The following PTPRM variants were observed in gnomAD, a reference collection of about 807,000 sequenced individuals.
The protein encoded by PTPRM is receptor-type tyrosine-protein phosphatase mu.
Under a neutral mutation model 186.7 loss-of-function variants are expected in PTPRM, and 47 were observed. That is an observed-to-expected ratio of 0.25 (90% CI 0.20 to 0.32). The LOEUF is 0.32. Ranked by LOEUF, PTPRM falls within the 10% of genes least tolerant of loss-of-function variation. The pLI, the probability that PTPRM is intolerant of heterozygous loss-of-function variation, is 1.00. For missense variants in PTPRM, 1,494 were observed against 1,865.0 expected, an observed-to-expected ratio of 0.80 and a Z score of 3.66; for synonymous variants, 668 against 674.9, an observed-to-expected ratio of 0.99 and a Z score of 0.16.
chr18:7,607,486 G>A (rs556141565), intron 1 of PTPRM, among the ~76,000 whole-genome samples: 16 of 152,266 alleles, frequency 1.1e-4, no homozygotes, highest in Admixed American at 2.6e-4. Context: ...CTCGGGAGCC[G>A]TATTTCTGGG....
At chr18:7,860,288 G>GC (rs1180129919) in intron 2 of PTPRM, among the ~76,000 whole-genome samples, 1 of 152,094 alleles carries the variant, frequency 6.6e-6, no homozygotes, top group Non-Finnish European at 1.5e-5. Context: ...GGCTAGGCTG[G>GC]CCTTGAACTT....
At chr18:8,239,857 C>T (rs72911272) in intron 14 of PTPRM, among the ~76,000 whole-genome samples, 31,238 of 152,090 alleles carry the variant, frequency 0.21, 3,446 homozygotes, top group African/African-American at 0.26. Context: ...TATAGATATT[C>T]GTAAGAACCT....
intron 7 of PTPRM, among the ~76,000 whole-genome samples, chr18:7,986,062 T>G (rs1360692440): frequency 6.6e-6 from 1 of 152,172 alleles, no homozygotes; most frequent in African/African-American, 2.4e-5. Flanking sequence ...AATTATGCTT[T>G]GAAGTTTGAA....
chr18:8,198,166 G>A (rs1299848754), intron 14 of PTPRM, among the ~76,000 whole-genome samples: 1 of 152,094 alleles, frequency 6.6e-6, no homozygotes, highest in African/African-American at 2.4e-5. Flanking sequence ...TTTGTTGTTA[G>A]ACAGGATCTT....
intron 7 of PTPRM, among the ~76,000 whole-genome samples, chr18:8,006,516 A>C (rs1017009790): frequency 2.6e-5 from 4 of 152,190 alleles, no homozygotes; most frequent in African/African-American, 9.7e-5. Context: ...AAAACAACAC[A>C]GGTAAAGGAG....
chr18:8,081,158 A>G (rs76828253), intron 9 of PTPRM, among the ~76,000 whole-genome samples: 5,216 of 152,254 alleles, frequency 0.034, 182 homozygotes, highest in African/African-American at 0.095. Flanking sequence ...ATGTTATTCT[A>G]TCTTGGTTTC....
chr18:8,229,078 T>C (rs111746791), intron 14 of PTPRM, among the ~76,000 whole-genome samples: 8,157 of 152,068 alleles, frequency 0.054, 302 homozygotes, highest in Non-Finnish European at 0.08. Context: ...CTGTCATGCC[T>C]CTCTCTTATG....
chr18:7,595,570 G>A (rs2037235345), intron 1 of PTPRM, among the ~76,000 whole-genome samples: 1 of 152,178 alleles, frequency 6.6e-6, no homozygotes, highest in Non-Finnish European at 1.5e-5. Context: ...AGGAGACTTA[G>A]CATTGTAAGG....
At chr18:7,765,334 T>G (rs1336570332) in intron 1 of PTPRM, among the ~76,000 whole-genome samples, 1 of 152,192 alleles carries the variant, frequency 6.6e-6, no homozygotes, top group African/African-American at 2.4e-5. Flanking sequence ...ATTAGCCATT[T>G]AAATGCCTGT....
chr18:8,294,477 A>G (rs899438758), intron 19 of PTPRM, among the ~76,000 whole-genome samples: 4 of 152,086 alleles, frequency 2.6e-5, no homozygotes, highest in African/African-American at 7.2e-5. Flanking sequence ...AGAACTCACT[A>G]TCAGGAGAAT....
chr18:7,958,463 G>T (rs940261200), intron 7 of PTPRM, among the ~76,000 whole-genome samples: 8 of 152,160 alleles, frequency 5.3e-5, no homozygotes, highest in Non-Finnish European at 7.3e-5. Flanking sequence ...CTGAGAAGGG[G>T]ATGGGGAGGA....
chr18:7,794,058 A>G (rs2043476759), intron 2 of PTPRM, among the ~76,000 whole-genome samples: 2 of 152,148 alleles, frequency 1.3e-5, no homozygotes, highest in Admixed American at 1.3e-4. Context: ...CTCCAGGGGA[A>G]AATCATCTCC....
chr18:8,005,237 CAAAT>C (rs1400944138), intron 7 of PTPRM, among the ~76,000 whole-genome samples: 13 of 152,258 alleles, frequency 8.5e-5, no homozygotes, highest in African/African-American at 2.9e-4. Flanking sequence ...AACTGTGTTA[CAAAT>C]AAATCAAAAA....
intron 19 of PTPRM, among the ~76,000 whole-genome samples, chr18:8,283,438 GT>G (rs1455040188): frequency 6.6e-6 from 1 of 152,136 alleles, no homozygotes; most frequent in East Asian, 1.9e-4. Context: ...TTAACCTTCA[GT>G]TTGAAAGATG....
At chr18:8,377,591 A>G (rs1373640398) in intron 26 of PTPRM, 2 of 152,178 alleles carry the variant, frequency 1.3e-5, no homozygotes, top group Admixed American at 6.5e-5. Flanking sequence ...TAAAGGTCAT[A>G]TTTATGTATA....
chr18:8,104,077 C>T (rs749771045), intron 11 of PTPRM, among the ~76,000 whole-genome samples: 38 of 152,010 alleles, frequency 2.5e-4, no homozygotes, highest in Non-Finnish European at 1.5e-4. Flanking sequence ...ATCACCATAA[C>T]GGTTGTAATA....
intron 4 of PTPRM, among the ~76,000 whole-genome samples, chr18:7,915,167 A>G (rs1232772244): frequency 2.0e-5 from 3 of 152,170 alleles, no homozygotes; most frequent in Non-Finnish European, 2.9e-5. Flanking sequence ...GAAAACCTCT[A>G]TTCTTTCTTA....
intron 1 of PTPRM, among the ~76,000 whole-genome samples, chr18:7,574,064 A>C (rs1293827673): frequency 2.0e-5 from 3 of 152,130 alleles, no homozygotes. Flanking sequence ...AGATTGGAGA[A>C]CCCTTGTTCT....
intron 4 of PTPRM, among the ~76,000 whole-genome samples, chr18:7,916,587 A>C (rs2050569686): frequency 1.3e-5 from 2 of 152,240 alleles, no homozygotes; most frequent in South Asian, 4.1e-4. Context: ...TGGCAGACAG[A>C]GGGGGAAAGA....
Sources: gnomAD v4.1 joint callset for allele counts (sites outside exome capture counted in the v4.1 genomes callset) on GRCh38, gnomAD v4.1.1 for gene constraint, MANE v1.5 for transcripts, NCBI Gene and HGNC (gene_info 2026-07-23, HGNC 2026-07-21) for gene names.